DLG2: variants seen among roughly 807,000 people sequenced by gnomAD.
DLG2 encodes the protein disks large homolog 2.
A neutral mutation model predicts 132.5 loss-of-function variants in DLG2; 45 were observed. That is an observed-to-expected ratio of 0.34 (90% CI 0.27 to 0.44). The LOEUF (loss-of-function observed/expected upper bound fraction) is 0.44, where lower values mean the gene tolerates loss of function less well. Ranked by LOEUF, DLG2 falls within the 20% of genes least tolerant of loss-of-function variation. The pLI, the probability that DLG2 is intolerant of heterozygous loss-of-function variation, is 1.00. For synonymous variants in DLG2, 424 were observed against 419.6 expected, an observed-to-expected ratio of 1.01 and a Z score of -0.13; for missense variants, 1,045 against 1,196.9, an observed-to-expected ratio of 0.87 and a Z score of 1.87.
At chr11:85,226,020 C>G (rs1002779280) in intron 4 of DLG2, among the ~76,000 whole-genome samples, 3 of 151,982 alleles carry the variant, frequency 2.0e-5, no homozygotes, top group Admixed American at 2.0e-4. Flanking sequence ...TCTCTGATTC[C>G]TTCCTTATCT....
chr11:83,572,643 T>C (rs2096816251), intron 19 of DLG2, among the ~76,000 whole-genome samples: 1 of 152,176 alleles, frequency 6.6e-6, no homozygotes, highest in Non-Finnish European at 1.5e-5. Context: ...TGGAAAACTC[T>C]AGTCTCACAC....
intron 6 of DLG2, among the ~76,000 whole-genome samples, chr11:84,675,580 A>G (rs2099710395): frequency 2.0e-5 from 3 of 152,084 alleles, no homozygotes. Flanking sequence ...ACCTCCACCC[A>G]GTGAATGCAT....
intron 5 of DLG2, among the ~76,000 whole-genome samples, chr11:85,146,258 C>A (rs977884441): frequency 1.3e-5 from 2 of 151,300 alleles, no homozygotes; most frequent in Non-Finnish European, 2.9e-5. Context: ...CTCTCTCTCT[C>A]TCTCTCCTGA....
At chr11:83,891,059 T>C (rs1358243731) in intron 15 of DLG2, among the ~76,000 whole-genome samples, 1 of 152,174 alleles carries the variant, frequency 6.6e-6, no homozygotes, top group Non-Finnish European at 1.5e-5. Flanking sequence ...AAGGTAGAGA[T>C]ATCTCATTAA....
chr11:84,846,381 C>T (rs1261842668), intron 6 of DLG2, among the ~76,000 whole-genome samples: 1 of 152,114 alleles, frequency 6.6e-6, no homozygotes, highest in African/African-American at 2.4e-5. Flanking sequence ...CGCCTGTAAA[C>T]TAAGAATCAC....
intron 3 of DLG2, among the ~76,000 whole-genome samples, chr11:85,519,123 G>A (rs1248797304): frequency 6.6e-6 from 1 of 152,128 alleles, no homozygotes; most frequent in East Asian, 1.9e-4. Context: ...TGTGAGGTTG[G>A]AGGCCCCACA....
chr11:84,928,927 A>G (rs1337717957), intron 6 of DLG2, among the ~76,000 whole-genome samples: 2 of 142,982 alleles, frequency 1.4e-5, no homozygotes, highest in Admixed American at 1.4e-4. Flanking sequence ...CAAGCCAAGA[A>G]GGCTATGCAA....
intron 7 of DLG2, among the ~76,000 whole-genome samples, chr11:84,501,080 G>A (rs994396525): frequency 1.8e-4 from 28 of 152,120 alleles, no homozygotes; most frequent in African/African-American, 6.0e-4. Flanking sequence ...CTCATAATAG[G>A]TTGTCAAACA....
intron 14 of DLG2, among the ~76,000 whole-genome samples, chr11:83,955,684 G>A (rs994859816): frequency 2.0e-5 from 3 of 152,322 alleles, no homozygotes; most frequent in African/African-American, 7.2e-5. Flanking sequence ...ACTGGGAGAT[G>A]CAGACCCTCC....
Position 83,640,526 on chromosome 11 carries a change from G to A in DLG2, c.1826-7201C>T, listed in dbSNP as rs112518077. Among the ~76,000 whole-genome samples the A allele has an allele frequency of 3.2e-3, 490 of 152,220 alleles. 4 individuals are homozygous for A. Among genetic ancestry groups the A allele is most frequent in the African/African-American group, 0.011 (470 of 41,536 alleles). ...TTATAAATGTTTCCATTTCTTTGGCGGAAACATCCTTCTTTCATTTATTCA... is the reference window on the plus strand; with the variant it reads ...TTATAAATGTTTCCATTTCTTTGGCAGAAACATCCTTCTTTCATTTATTCA... On this transcript the variant is annotated intron_variant, in intron 18 of 27. Transcript: ENST00000376104.
At chr11:84,904,086 A>G (rs1047379430) in intron 6 of DLG2, among the ~76,000 whole-genome samples, 1 of 152,160 alleles carries the variant, frequency 6.6e-6, no homozygotes, top group African/African-American at 2.4e-5. Flanking sequence ...TTACCATAAC[A>G]AAAGTACTCA....
At chr11:85,515,918 G>C (rs966526326) in intron 3 of DLG2, among the ~76,000 whole-genome samples, 1 of 151,968 alleles carries the variant, frequency 6.6e-6, no homozygotes, top group Non-Finnish European at 1.5e-5. Context: ...GAAAGAAATA[G>C]AATCAGTTCT....
At chr11:83,477,216 T>C (rs1044287499) in intron 22 of DLG2, among the ~76,000 whole-genome samples, 7 of 152,084 alleles carry the variant, frequency 4.6e-5, no homozygotes, top group Non-Finnish European at 7.4e-5. Context: ...TTGCCTAGTA[T>C]TTACCACCTC....
intron 9 of DLG2, among the ~76,000 whole-genome samples, chr11:84,118,984 C>T (rs2093774169): frequency 6.6e-6 from 1 of 152,026 alleles, no homozygotes; most frequent in African/African-American, 2.4e-5. Flanking sequence ...GTTTATAAGC[C>T]CTCTAATATC....
At chr11:84,321,042 G>A (rs531913442) in intron 7 of DLG2, among the ~76,000 whole-genome samples, 87 of 152,204 alleles carry the variant, frequency 5.7e-4, no homozygotes, top group African/African-American at 2.0e-3. Context: ...GCATATTTTT[G>A]CAATTGAATC....
At chr11:84,368,475 C>G (rs986400276) in intron 7 of DLG2, among the ~76,000 whole-genome samples, 1 of 152,030 alleles carries the variant, frequency 6.6e-6, no homozygotes, top group Admixed American at 6.6e-5. Context: ...CTCAAACCAT[C>G]TACTAGATCA....
intron 18 of DLG2, chr11:83,692,044 G>C (rs2081090919): frequency 6.6e-6 from 1 of 152,194 alleles, no homozygotes; most frequent in African/African-American, 2.4e-5. Flanking sequence ...GACTCAAGAG[G>C]AACTAAGCAG....
chr11:84,759,784 G>A (rs1056614736), intron 6 of DLG2, among the ~76,000 whole-genome samples: 1 of 151,876 alleles, frequency 6.6e-6, no homozygotes, highest in Non-Finnish European at 1.5e-5. Flanking sequence ...GGAAAGAAGT[G>A]ATCTTTTTTT....
rs147282649 is a variant in DLG2, at chr11:84,106,405, T to C, written c.625-7358A>G. On this transcript the variant is annotated intron_variant, in intron 9 of 27. Coordinates refer to ENST00000376104, the MANE Select transcript of DLG2 (RefSeq NM_001142699.3). The stretch of plus-strand genomic sequence containing the variant: ...CTAGGATGTGAAGGTGAGAAAATAA[T>C]GCAGACATTTCTAACTACCATTGCT... Among the ~76,000 whole-genome samples, 956 of 152,244 alleles carry C rather than the reference T, an allele frequency of 6.3e-3. 8 individuals are homozygous for C. Among genetic ancestry groups the C allele is most frequent in the African/African-American group, 0.022 (909 of 41,556 alleles).
Sources: gnomAD v4.1 joint callset for allele counts (sites outside exome capture counted in the v4.1 genomes callset) on GRCh38, gnomAD v4.1.1 for gene constraint, MANE v1.5 for transcripts, NCBI Gene and HGNC (gene_info 2026-07-23, HGNC 2026-07-21) for gene names.